CSAG1: variants seen among roughly 807,000 people sequenced by gnomAD.
CSAG1 encodes chondrosarcoma associated gene 1.
Under a neutral mutation model 4.8 loss-of-function variants are expected in CSAG1, and 4 were observed. That is an observed-to-expected ratio of 0.83 (90% CI 0.41 to 1.90). CSAG1 has a LOEUF of 1.90. Among genes scored for constraint, CSAG1 ranks in the 40% most tolerant of loss-of-function variants. CSAG1 has a pLI of 0.03. For synonymous variants in CSAG1, 21 were observed against 23.1 expected (o/e 0.91, Z 0.26); for missense variants, 69 against 59.5 (o/e 1.16, Z -0.53).
At chrX:152,732,641 G>T (rs188627325) in intron 1 of CSAG1, 137 bp from the exon 2 acceptor site, 1 of 714,945 alleles carries the variant, frequency 1.4e-6, no homozygotes, top group Non-Finnish European at 2.1e-6. Context: ...TTGCCGTGTC[G>T]GTTAGAGGGG....
intron 3 of CSAG1, 90 bp from the exon 4 acceptor site, chrX:152,727,953 G>C: frequency 3.3e-6 from 4 of 1,198,023 alleles, no homozygotes; most frequent in Admixed American, 2.2e-5. Context: ...TAGAGAAATG[G>C]TACAGGCTGG....
chrX:152,729,306 T>C (rs1317316160), intron 2 of CSAG1, among the ~76,000 whole-genome samples: 3 of 111,243 alleles, frequency 2.7e-5, no homozygotes, highest in Non-Finnish European at 3.8e-5. Flanking sequence ...TAACTTTGAG[T>C]TTGGAGATGA....
intron 2 of CSAG1, among the ~76,000 whole-genome samples, chrX:152,731,154 GA>G (rs1932147769): frequency 1.8e-5 from 2 of 111,805 alleles, no homozygotes; most frequent in Non-Finnish European, 3.8e-5. Context: ...TGTCTAACTG[GA>G]ACCAGCTTTG....
chrX:152,733,602 G>T (rs1311219147), intron 1 of CSAG1, 66 bp downstream of exon 1: 1 of 86,925 alleles, frequency 1.2e-5, no homozygotes, highest in African/African-American at 4.3e-5. Context: ...ACCCCACCAG[G>T]ATCTACAGCC....
intron 2 of CSAG1, among the ~76,000 whole-genome samples, chrX:152,731,614 G>A (rs1339274037): frequency 9.1e-6 from 1 of 110,434 alleles, no homozygotes; most frequent in Non-Finnish European, 1.9e-5. Context: ...GATGGAAAAA[G>A]AACACACCAA....
chrX:152,730,322 T>C (rs1198794615), intron 2 of CSAG1, among the ~76,000 whole-genome samples: 8 of 111,934 alleles, frequency 7.1e-5, no homozygotes, highest in Admixed American at 1.9e-4. Flanking sequence ...GGTAATACTG[T>C]AATGGTGGTT....
In CSAG1 at chrX:152,733,495, A is replaced by G. The variant is rs1247551072; in HGVS notation, c.-45+173T>C. Among the ~76,000 whole-genome samples the G allele has an allele frequency of 8.1e-5, 9 of 111,084 alleles. No individual in the cohort carries two copies. The Middle Eastern group carries it at 0.014, about 171-fold the overall frequency. On this transcript the variant is annotated intron_variant, in intron 1 of 3. Transcript: ENST00000452779. ...CAGAGACTTGGTCTGAGGGGAGCAG[A>G]CACAATCGGCAGAGGATGGCGGTCC... is the stretch of plus-strand genomic sequence containing the variant.
chrX:152,732,712 G>A (rs1932187750), intron 1 of CSAG1, among the ~76,000 whole-genome samples: 2 of 112,290 alleles, frequency 1.8e-5, no homozygotes, highest in Non-Finnish European at 3.8e-5. Context: ...AACAGAATGG[G>A]TAGAATAAAA....
rs1556830387 is a variant in CSAG1, at chrX:152,727,511, C to T, written c.*283G>A. ...ATTTTACAACATGTTCATTTTATTT[C>T]CATCACCATGGGGCATACCCTTTGG... On this transcript the variant is annotated 3_prime_UTR_variant, in exon 4 of 4. Transcript: ENST00000452779. The T allele has an allele frequency of 6.2e-5, 24 of 389,962 alleles. No homozygotes were observed. Among genetic ancestry groups the T allele is most frequent in the East Asian group, 3.2e-4 (7 of 21,642 alleles). 32.1% of individuals were successfully genotyped at this position (389,962 alleles called of 1,213,427 possible). A position where few individuals can be genotyped will look rare whatever the true frequency, so the allele number is the denominator to read the frequency against.
intron 1 of CSAG1, 79 bp downstream of exon 1, chrX:152,733,589 C>A (rs1932213885): frequency 2.0e-5 from 2 of 101,086 alleles, no homozygotes; most frequent in Admixed American, 2.1e-4. Flanking sequence ...CCCAACTCCC[C>A]CAACCCCACC....
chrX:152,730,650 T>A (rs1317285369), intron 2 of CSAG1, among the ~76,000 whole-genome samples: 2 of 109,285 alleles, frequency 1.8e-5, no homozygotes, highest in African/African-American at 6.7e-5. Flanking sequence ...GTGTTGTTTA[T>A]AAGCCACCTA....
intron 2 of CSAG1, among the ~76,000 whole-genome samples, chrX:152,729,583 T>C (rs1932110027): frequency 8.9e-6 from 1 of 112,292 alleles, no homozygotes; most frequent in Admixed American, 9.4e-5. Context: ...GATACACACA[T>C]GGCAAATAAG....
At chrX:152,728,547 G>C (rs56021631) in intron 2 of CSAG1, among the ~76,000 whole-genome samples, 2 of 107,411 alleles carry the variant, frequency 1.9e-5, no homozygotes, top group Non-Finnish European at 3.9e-5. Flanking sequence ...CCAAAATTAC[G>C]GGCTTTTTTT....
At chrX:152,732,394 C>T (rs1222695107) in intron 2 of CSAG1, 51 bp downstream of exon 2, 5 of 1,182,299 alleles carry the variant, frequency 4.2e-6, no homozygotes, top group African/African-American at 1.8e-5. Context: ...GGGAACACAA[C>T]AGTGTAAAAA....
chrX:152,733,702 T>A lies in CSAG1; in HGVS notation c.-79A>T, dbSNP rs1351571137. On this transcript the variant is annotated 5_prime_UTR_variant, in exon 1 of 4. Coordinates refer to ENST00000452779, the MANE Select transcript of CSAG1 (RefSeq NM_001102576.3). ...CATCTGGATCCCCATCCAGGAAGAA[T>A]CCAGTTCCACCCCTGCTGTGAACCC... 2 of 109,927 alleles carry A rather than the reference T, an allele frequency of 1.8e-5. No individual in the cohort carries two copies. Among genetic ancestry groups the A allele is most frequent in the Non-Finnish European group, 3.8e-5 (2 of 52,689 alleles). The allele number at this position is 109,927 out of a possible 1,213,427, so 9.1% of individuals were successfully genotyped here. A position where few individuals can be genotyped will look rare whatever the true frequency, so the allele number is the denominator to read the frequency against.
chrX:152,728,274 T>C (rs1932067759), intron 2 of CSAG1, 50 bp from the exon 3 acceptor site: 1 of 1,158,601 alleles, frequency 8.6e-7, no homozygotes. Context: ...AGAATTCCTT[T>C]TCCAAGAAAC....
In CSAG1 at chrX:152,727,867, G is replaced by A. The variant is rs2124962494; in HGVS notation, c.168-4C>T. 3 of 1,207,567 alleles carry A rather than the reference G, an allele frequency of 2.5e-6. No homozygotes were observed. The Admixed American group carries it at 6.6e-5, about 26-fold the overall frequency. ...CCTTCTGGGTTGTCTTGGGAACCTG[G>A]AAAGCCAACAGGGAGATCACAGGAG... On this transcript the variant is annotated splice_polypyrimidine_tract_variant and splice_region_variant and intron_variant, in intron 3 of 3. Coordinates refer to ENST00000452779, the MANE Select transcript of CSAG1 (RefSeq NM_001102576.3).
chrX:152,730,009 T>TATATATATATATAC (rs1220407757), intron 2 of CSAG1, among the ~76,000 whole-genome samples: 27 of 54,980 alleles, frequency 4.9e-4, no homozygotes, highest in African/African-American at 1.6e-3. Flanking sequence ...TATATATATA[T>TATATATATATATAC]ACACACATAC....
Position 152,727,834 on chromosome X carries a change from C to A in CSAG1, c.197G>T (p.Gly66Val), listed in dbSNP as rs1556830582. ...RFPRQPRREK[G>V]PVKEVPGTKG... Reference sequence around the variant, plus strand: ...TGTTCCTGGAACTTCCTTGACGGGTCCCTTTTCCCTTCTGGGTTGTCTTGG... The same window carrying A: ...TGTTCCTGGAACTTCCTTGACGGGTACCTTTTCCCTTCTGGGTTGTCTTGG... Residue 66 changes from glycine to valine, a missense_variant, in exon 4 of 4, where the codon GGA becomes GTA. Transcript: ENST00000452779. 2 of 1,210,851 alleles carry A rather than the reference C, an allele frequency of 1.7e-6. No individual in the cohort carries two copies. The highest frequency in any genetic ancestry group is 1.1e-6 in the Non-Finnish European group (1 of 894,911).
Sources: gnomAD v4.1 joint callset for allele counts (sites outside exome capture counted in the v4.1 genomes callset) on GRCh38, gnomAD v4.1.1 for gene constraint, MANE v1.5 for transcripts, NCBI Gene and HGNC (gene_info 2026-07-23, HGNC 2026-07-21) for gene names.